The following CLCNKB variants were observed in gnomAD, a reference collection of about 807,000 sequenced individuals.
CLCNKB encodes chloride voltage-gated channel Kb.
In CLCNKB, 74 loss-of-function variants were observed where a neutral mutation model predicts 83.8. The ratio of observed to expected loss-of-function variants is 0.88; its 90% CI spans 0.73 to 1.07. The LOEUF is 1.07. Ranked by LOEUF, CLCNKB falls within the 50% of genes least tolerant of loss-of-function variation. The probability of loss-of-function intolerance (pLI) is 0.00; values close to 1 mark genes in which losing one functional copy is unlikely to be tolerated. For missense variants in CLCNKB, 798 were observed against 893.6 expected (o/e 0.89, Z 1.36); for synonymous variants, 358 against 356.6 (o/e 1.00, Z -0.04).
Position 16,055,774 on chromosome 1 carries a change from G to A in CLCNKB, c.1929+16G>A. On this transcript the variant is annotated intron_variant, in intron 18 of 19. Coordinates refer to ENST00000375679, the MANE Select transcript of CLCNKB (RefSeq NM_000085.5). ...CCTGCATGAGGTAACGGGGAGAACT[G>A]GGGAGTGTGACACATGAGGCCTCTG... 1 of 1,611,838 alleles carries A rather than the reference G, an allele frequency of 6.2e-7. No homozygotes were observed. Among genetic ancestry groups the A allele is most frequent in the Non-Finnish European group, 8.5e-7 (1 of 1,178,282 alleles).
chr1:16,044,772 TG>T (rs1165337214), intron 2 of CLCNKB, among the ~76,000 whole-genome samples, 180 bp downstream of exon 2: 1 of 152,186 alleles, frequency 6.6e-6, no homozygotes, highest in African/African-American at 2.4e-5. Flanking sequence ...CAGCTGTCTG[TG>T]GGTCAGATGG....
At chr1:16,051,618 C>A in intron 13 of CLCNKB, 71 bp downstream of exon 13, 2 of 1,605,446 alleles carry the variant, frequency 1.2e-6, no homozygotes, top group Admixed American at 1.7e-5. Flanking sequence ...CTGGTTCACC[C>A]TCCCCAGGTT....
intron 10 of CLCNKB, among the ~76,000 whole-genome samples, 172 bp downstream of exon 10, chr1:16,050,088 A>C (rs1178973855): frequency 2.2e-5 from 1 of 45,328 alleles, no homozygotes; most frequent in Non-Finnish European, 6.4e-5. Flanking sequence ...TCACTGCCCG[A>C]CTACCTTACT....
chr1:16,046,464 G>C, intron 3 of CLCNKB, 71 bp from the exon 4 acceptor site: 1 of 1,601,622 alleles, frequency 6.2e-7, no homozygotes, highest in Non-Finnish European at 8.5e-7. Flanking sequence ...GTCAGTAAGT[G>C]GGCACCACAG....
intron 19 of CLCNKB, 81 bp downstream of exon 19, chr1:16,056,589 G>T (rs111968531): frequency 1.7e-5 from 9 of 534,442 alleles, no homozygotes; most frequent in Non-Finnish European, 2.6e-5. Flanking sequence ...GGGTGGGGGG[G>T]ACACCAGCAT....
In CLCNKB at chr1:16,050,336, C is replaced by T. The variant is rs10803412; in HGVS notation, c.969-180C>T. Among the ~76,000 whole-genome samples the T allele has an allele frequency of 0.71, 108,375 of 152,028 alleles. 41,852 individuals carry two copies. The highest frequency in any genetic ancestry group is 0.99 in the East Asian group (5,092 of 5,154). ...CCCCAATTCTCCTATCAGCCTCTAC[C>T]CCTAAAAATACCCAGGAGTGTGGGG... On this transcript the variant is annotated intron_variant, in intron 10 of 19. Transcript: ENST00000375679.
In CLCNKB at chr1:16,046,719, G is replaced by A. The variant is rs2023115020; in HGVS notation, c.358+56G>A. 5 of 1,603,498 alleles carry A rather than the reference G, an allele frequency of 3.1e-6. No individual in the cohort carries two copies. In the South Asian group the frequency reaches 4.4e-5, roughly 14 times the overall value. On this transcript the variant is annotated intron_variant, in intron 4 of 19. Coordinates refer to ENST00000375679, the MANE Select transcript of CLCNKB (RefSeq NM_000085.5). ...CTGGCCAAAACCTTCTCAGATCCCA[G>A]GGGGGAGTCGGGAAGGGGCAGCCTC...
In CLCNKB at chr1:16,055,772, C is replaced by A; in HGVS notation, c.1929+14C>A. 1 of 1,612,200 alleles carries A rather than the reference C, an allele frequency of 6.2e-7. No homozygotes were observed. The highest frequency in any genetic ancestry group is 1.1e-5 in the South Asian group (1 of 91,022). ...TCCCTGCATGAGGTAACGGGGAGAA[C>A]TGGGGAGTGTGACACATGAGGCCTC... On this transcript the variant is annotated intron_variant, in intron 18 of 19. Coordinates refer to ENST00000375679, the MANE Select transcript of CLCNKB (RefSeq NM_000085.5).
intron 15 of CLCNKB, among the ~76,000 whole-genome samples, 179 bp from the exon 16 acceptor site, chr1:16,053,460 C>A (rs933225048): frequency 6.6e-6 from 1 of 152,130 alleles, no homozygotes; most frequent in African/African-American, 2.4e-5. Flanking sequence ...GCGATGTGGT[C>A]CCCAGGTTTC....
In CLCNKB at chr1:16,049,132, G is replaced by A. The variant is rs1346825209; in HGVS notation, c.668G>A (p.Ser223Asn). 5 of 1,613,560 alleles carry A rather than the reference G, an allele frequency of 3.1e-6. No individual in the cohort carries two copies. The South Asian group carries it at 4.4e-5, about 14-fold the overall frequency. ...GTGTCGCCCCCAGGCGTCCTGTTCA[G>A]CATCGAGGTCATGTCTTCCCACTTC... ...FAAPFSGVLFSIEVMSSHFSV... is the reference protein window; with the variant it reads ...FAAPFSGVLFNIEVMSSHFSV... Residue 223 changes from serine to asparagine, a missense_variant, in exon 8 of 20, where the codon AGC becomes AAC. By Grantham distance (46) the Ser-to-Asn change is conservative. Coordinates refer to ENST00000375679, the MANE Select transcript of CLCNKB (RefSeq NM_000085.5).
intron 15 of CLCNKB, among the ~76,000 whole-genome samples, chr1:16,052,789 G>C (rs1263686127): frequency 1.3e-5 from 2 of 152,156 alleles, no homozygotes; most frequent in Non-Finnish European, 2.9e-5. Flanking sequence ...GGGACTTTGG[G>C]AGCAGGAGGT....
At chr1:16,048,952 C>G (rs570996042) in intron 7 of CLCNKB, 168 bp from the exon 8 acceptor site, 51 of 1,499,826 alleles carry the variant, frequency 3.4e-5, no homozygotes, top group South Asian at 5.2e-5. Flanking sequence ...GGGCAGCGGG[C>G]TCCTCCCCGC....
At chr1:16,046,728 C>T (rs1186922281) in intron 4 of CLCNKB, 65 bp downstream of exon 4, 25 of 1,591,020 alleles carry the variant, frequency 1.6e-5, no homozygotes, top group Middle Eastern at 1.7e-4. Context: ...AGGGGGGAGT[C>T]GGGAAGGGGC....
Position 16,048,179 on chromosome 1 carries a change from G to A in CLCNKB, c.498+135G>A. On this transcript the variant is annotated intron_variant, in intron 5 of 19. Transcript: ENST00000375679. ...GCCTTCCAGGAACTCAGTCTTGGGG[G>A]AAGAGGCAGGCCAGGTCCCCGGAGT... 5 of 1,439,266 alleles carry A rather than the reference G, an allele frequency of 3.5e-6. No individual in the cohort carries two copies. In the South Asian group the frequency reaches 4.9e-5, roughly 14 times the overall value. 89.2% of individuals were successfully genotyped at this position (1,439,266 alleles called of 1,614,324 possible). A position where few individuals can be genotyped will look rare whatever the true frequency, so the allele number is the denominator to read the frequency against.
chr1:16,049,080 T>TG, intron 7 of CLCNKB, 40 bp from the exon 8 acceptor site: 5 of 1,601,022 alleles, frequency 3.1e-6, no homozygotes, highest in Non-Finnish European at 4.3e-6. Context: ...CACAGGTGGG[T>TG]GGGGGTGGAG....
At chr1:16,054,523 G>A (rs1176664564) in intron 16 of CLCNKB, among the ~76,000 whole-genome samples, 1 of 152,144 alleles carries the variant, frequency 6.6e-6, no homozygotes, top group African/African-American at 2.4e-5. Flanking sequence ...TCTATGTACT[G>A]CATTTTCATC....
rs754684742 is a variant in CLCNKB, at chr1:16,046,517, A to G, written c.230-18A>G. ...TGCAGAGGCTGTGGGTGCCTCCCTG[A>G]TACCCGGCTGTCCCCAGCGCACCAG... On this transcript the variant is annotated intron_variant, in intron 3 of 19. Transcript: ENST00000375679. 3.4e-5 allele frequency: 55 copies of G among 1,613,288 alleles called. No homozygotes were observed. The highest frequency in any genetic ancestry group is 4.6e-5 in the Non-Finnish European group (54 of 1,179,988).
intron 15 of CLCNKB, among the ~76,000 whole-genome samples, 160 bp downstream of exon 15, chr1:16,052,571 G>A (rs893727658): frequency 2.0e-5 from 3 of 152,214 alleles, no homozygotes; most frequent in African/African-American, 7.2e-5. Flanking sequence ...AGTGCCCCGG[G>A]TGACCTTGGG....
intron 2 of CLCNKB, 105 bp from the exon 3 acceptor site, chr1:16,045,453 T>C: frequency 4.3e-6 from 6 of 1,389,260 alleles, no homozygotes; most frequent in Non-Finnish European, 4.0e-6. Context: ...CCAAGCTCCA[T>C]CCCCCTGCCC....
Sources: allele counts gnomAD v4.1 joint callset (sites outside exome capture counted in the v4.1 genomes callset), GRCh38; gene constraint gnomAD v4.1.1; transcripts MANE v1.5; gene names NCBI Gene and HGNC (gene_info 2026-07-23, HGNC 2026-07-21).